NLGN1: variants seen among roughly 807,000 people sequenced by gnomAD.
NLGN1 encodes neuroligin 1.
Under a neutral mutation model 65.5 loss-of-function variants are expected in NLGN1, and 12 were observed. The observed-to-expected ratio is 0.18, with a 90% CI of 0.12 to 0.30. The LOEUF (loss-of-function observed/expected upper bound fraction) is 0.30, where lower values mean the gene tolerates loss of function less well. NLGN1 is among the 10% of genes least tolerant of loss of function. The probability of loss-of-function intolerance (pLI) is 1.00; values close to 1 mark genes in which losing one functional copy is unlikely to be tolerated. For missense variants in NLGN1, 750 were observed against 1,007.1 expected, an observed-to-expected ratio of 0.74 and a Z score of 3.46; for synonymous variants, 350 against 359.5, an observed-to-expected ratio of 0.97 and a Z score of 0.30.
chr3:173,500,787 C>T (rs974749450), intron 2 of NLGN1, among the ~76,000 whole-genome samples: 3 of 152,076 alleles, frequency 2.0e-5, no homozygotes, highest in African/African-American at 4.8e-5. Context: ...TCCAACTCCT[C>T]AGCATGGGTT....
chr3:174,129,879 A>C (rs887113834), intron 4 of NLGN1, among the ~76,000 whole-genome samples: 5 of 152,248 alleles, frequency 3.3e-5, no homozygotes, highest in African/African-American at 1.2e-4. Flanking sequence ...CTGAAAGTTC[A>C]TGTGTAATTT....
intron 2 of NLGN1, among the ~76,000 whole-genome samples, chr3:173,473,866 CCTT>C (rs1725736978): frequency 6.6e-6 from 1 of 152,112 alleles, no homozygotes. Context: ...AATAACACAG[CCTT>C]CTTCTTTAAT....
chr3:173,939,286 C>G (rs73037279), intron 4 of NLGN1, among the ~76,000 whole-genome samples: 2,933 of 152,284 alleles, frequency 0.019, 95 homozygotes, highest in African/African-American at 0.065. Flanking sequence ...CATTGATTTT[C>G]CATGTTCTTA....
chr3:173,449,991 A>G (rs545498239), intron 2 of NLGN1, among the ~76,000 whole-genome samples: 89 of 152,306 alleles, frequency 5.8e-4, no homozygotes, highest in African/African-American at 2.1e-3. Context: ...AATACAGCAC[A>G]CAGATGGGTG....
intron 4 of NLGN1, among the ~76,000 whole-genome samples, chr3:173,940,080 CTTTTTTTTTT>C (rs531013909): frequency 1.3e-5 from 1 of 75,404 alleles, no homozygotes; most frequent in Non-Finnish European, 2.3e-5. Context: ...ATAGTTATAG[CTTTTTTTTTT>C]TTTTTTTTTT....
intron 2 of NLGN1, among the ~76,000 whole-genome samples, chr3:173,572,164 A>G (rs1234740720): frequency 3.3e-5 from 5 of 152,126 alleles, no homozygotes; most frequent in Admixed American, 3.3e-4. Flanking sequence ...CCTGTTCTTA[A>G]CCCAGGCTGC....
chr3:173,424,729 A>AT lies in NLGN1; in HGVS notation c.-389-10276dup, dbSNP rs762961167. On this transcript the variant is annotated intron_variant, in intron 1 of 6. Transcript: ENST00000457714. ...CTGAGACCACCTCAGCCTAGACTTC[A>AT]TTTTTCATATCGCTATCAGCATTTT... is the stretch of plus-strand genomic sequence containing the variant. Among the ~76,000 whole-genome samples, 11 of 152,256 alleles carry AT rather than the reference A, an allele frequency of 7.2e-5. 1 individual carries two copies. The highest frequency in any genetic ancestry group is 4.1e-4 in the South Asian group (2 of 4,826).
chr3:173,809,967 C>G (rs971910206), intron 4 of NLGN1, among the ~76,000 whole-genome samples: 2 of 152,172 alleles, frequency 1.3e-5, no homozygotes, highest in Non-Finnish European at 2.9e-5. Context: ...GTTGTCTCCT[C>G]TCCTTTATTT....
At chr3:173,565,371 G>C (rs147463766) in intron 2 of NLGN1, among the ~76,000 whole-genome samples, 1 of 152,322 alleles carries the variant, frequency 6.6e-6, no homozygotes, top group East Asian at 1.9e-4. Context: ...AAGTAGAACA[G>C]AAGTGACCGG....
chr3:174,273,960 A>G (rs1749998493), intron 4 of NLGN1, among the ~76,000 whole-genome samples: 1 of 151,718 alleles, frequency 6.6e-6, no homozygotes, highest in Non-Finnish European at 1.5e-5. Context: ...TTTTGTTTTC[A>G]TAAATGTAAT....
At chr3:173,929,272 G>T (rs1243699723) in intron 4 of NLGN1, among the ~76,000 whole-genome samples, 1 of 152,118 alleles carries the variant, frequency 6.6e-6, no homozygotes, top group Non-Finnish European at 1.5e-5. Context: ...TGTAACCATT[G>T]CAGGATGATC....
intron 1 of NLGN1, among the ~76,000 whole-genome samples, chr3:173,403,988 A>G (rs1282565554): frequency 2.0e-5 from 3 of 152,146 alleles, no homozygotes; most frequent in African/African-American, 4.8e-5. Context: ...ATATGGTGCA[A>G]TAGGATTTCA....
intron 4 of NLGN1, among the ~76,000 whole-genome samples, chr3:174,031,686 A>T (rs943245557): frequency 2.6e-5 from 4 of 152,168 alleles, no homozygotes; most frequent in Non-Finnish European, 5.9e-5. Flanking sequence ...ATAGAGTTCA[A>T]GAAATATCTC....
chr3:173,428,272 C>T (rs1442948584), intron 1 of NLGN1, among the ~76,000 whole-genome samples: 1 of 151,714 alleles, frequency 6.6e-6, no homozygotes, highest in Non-Finnish European at 1.5e-5. Flanking sequence ...TAGTTTATTA[C>T]ATTCAGTGTT....
intron 4 of NLGN1, among the ~76,000 whole-genome samples, chr3:173,845,651 A>G (rs531736558): frequency 4.9e-5 from 6 of 123,240 alleles, no homozygotes; most frequent in Non-Finnish European, 7.2e-5. Context: ...TAGATAGATA[A>G]ATAGACGAAT....
intron 4 of NLGN1, among the ~76,000 whole-genome samples, chr3:174,260,191 T>C (rs1746602160): frequency 6.6e-6 from 1 of 151,172 alleles, no homozygotes; most frequent in African/African-American, 2.4e-5. Context: ...GTCCTTTGGG[T>C]ATATACCCAG....
chr3:174,176,839 A>G (rs1729531916), intron 4 of NLGN1, among the ~76,000 whole-genome samples: 2 of 152,186 alleles, frequency 1.3e-5, no homozygotes, highest in South Asian at 4.1e-4. Flanking sequence ...TATTCATTAC[A>G]TATGGGTAAT....
chr3:173,500,347 A>G (rs1452549590), intron 2 of NLGN1, among the ~76,000 whole-genome samples: 5 of 152,026 alleles, frequency 3.3e-5, no homozygotes, highest in Non-Finnish European at 7.4e-5. Flanking sequence ...TATATGCTGG[A>G]TTACGTTTAT....
rs375371713 is a variant in NLGN1 at position 174,176,527 on chromosome 3, C to T, written c.647-98788C>T. ...TCCCTTTCTCTACTAAGCAGACTGC[C>T]TCCTTGGAAAAGAGAGAGCCATTTT... On this transcript the variant is annotated intron_variant, in intron 4 of 6. Transcript: ENST00000457714. Among the ~76,000 whole-genome samples the T allele has an allele frequency of 2.6e-5, 4 of 151,958 alleles. No individual in the cohort carries two copies. In the East Asian group the frequency reaches 7.7e-4, roughly 29 times the overall value.
Sources: allele counts gnomAD v4.1 joint callset (sites outside exome capture counted in the v4.1 genomes callset), GRCh38; gene constraint gnomAD v4.1.1; transcripts MANE v1.5; gene names NCBI Gene and HGNC (gene_info 2026-07-23, HGNC 2026-07-21).